The following AGBL4 variants were observed in gnomAD, a reference collection of about 807,000 sequenced individuals.
The protein encoded by AGBL4 is cytosolic carboxypeptidase 6.
In AGBL4, 58 loss-of-function variants were observed where a neutral mutation model predicts 66.4. That is an observed-to-expected ratio of 0.87 (90% CI 0.71 to 1.09). The LOEUF (loss-of-function observed/expected upper bound fraction) is 1.09, where lower values mean the gene tolerates loss of function less well. Among genes scored for constraint, AGBL4 ranks in the 50% least tolerant of loss-of-function variants. The pLI is 0.00. For missense variants in AGBL4, 579 were observed against 631.0 expected (o/e 0.92, Z 0.88); for synonymous variants, 234 against 222.9 (o/e 1.05, Z -0.44).
intron 6 of AGBL4, among the ~76,000 whole-genome samples, chr1:48,728,385 CT>C (rs1647531328): frequency 2.7e-5 from 4 of 147,522 alleles, no homozygotes; most frequent in African/African-American, 7.5e-5. Flanking sequence ...TTTTTTTTTT[CT>C]TTTAGTGTTA....
intron 6 of AGBL4, among the ~76,000 whole-genome samples, chr1:48,790,501 A>T (rs921673819): frequency 5.9e-5 from 9 of 152,226 alleles, no homozygotes; most frequent in Admixed American, 2.0e-4. Context: ...GAATGAGGAA[A>T]CCAAGACTAG....
intron 3 of AGBL4, among the ~76,000 whole-genome samples, chr1:49,492,769 C>G (rs558940749): frequency 1.9e-4 from 29 of 152,070 alleles, no homozygotes; most frequent in South Asian, 1.7e-3. Flanking sequence ...TGGAAAGAAA[C>G]AGCAGAGCCC....
chr1:49,443,235 T>C (rs1284720453), intron 3 of AGBL4, among the ~76,000 whole-genome samples: 4 of 152,154 alleles, frequency 2.6e-5, no homozygotes, highest in African/African-American at 7.2e-5. Flanking sequence ...CTCTTCAATC[T>C]GTTATTTCTT....
chr1:49,720,612 A>G (rs1648524942), intron 2 of AGBL4, among the ~76,000 whole-genome samples: 1 of 152,144 alleles, frequency 6.6e-6, no homozygotes, highest in African/African-American at 2.4e-5. Flanking sequence ...TTAGCTGTGT[A>G]GTCTTGAATT....
At chr1:49,504,517 C>T (rs563541513) in intron 3 of AGBL4, among the ~76,000 whole-genome samples, 5 of 152,004 alleles carry the variant, frequency 3.3e-5, no homozygotes, top group Non-Finnish European at 7.4e-5. Flanking sequence ...TATTTAGATG[C>T]TCCAATTTTG....
chr1:49,040,789 T>G (rs868727693), intron 5 of AGBL4, among the ~76,000 whole-genome samples: 2 of 152,048 alleles, frequency 1.3e-5, no homozygotes, highest in Non-Finnish European at 1.5e-5. Context: ...GAAGTGAGAA[T>G]TAACAAGGGA....
intron 4 of AGBL4, among the ~76,000 whole-genome samples, chr1:49,100,007 G>A (rs1178841002): frequency 6.6e-6 from 1 of 152,148 alleles, no homozygotes; most frequent in African/African-American, 2.4e-5. Flanking sequence ...GTCAAGGTCA[G>A]TACTAACAGT....
chr1:49,424,837 G>A (rs1368336528), intron 3 of AGBL4, among the ~76,000 whole-genome samples: 2 of 152,144 alleles, frequency 1.3e-5, no homozygotes, highest in East Asian at 1.9e-4. Context: ...AGAGTCAGGG[G>A]AATGAATGCT....
At chr1:48,897,663 C>T (rs1651653822) in intron 5 of AGBL4, among the ~76,000 whole-genome samples, 1 of 152,114 alleles carries the variant, frequency 6.6e-6, no homozygotes, top group African/African-American at 2.4e-5. Context: ...TTTTTTAATA[C>T]AAGCCATTTT....
intron 3 of AGBL4, among the ~76,000 whole-genome samples, chr1:49,384,752 G>C (rs545458092): frequency 6.6e-6 from 1 of 152,202 alleles, no homozygotes; most frequent in South Asian, 2.1e-4. Context: ...AAGAAAATAA[G>C]TGTTGACAAG....
At chr1:48,611,642 G>A (rs1203733953) in intron 9 of AGBL4, among the ~76,000 whole-genome samples, 1 of 152,082 alleles carries the variant, frequency 6.6e-6, no homozygotes, top group Non-Finnish European at 1.5e-5. Flanking sequence ...CAGAGTTTTG[G>A]CCATTATCCT....
chr1:49,026,366 A>G (rs1375880738), intron 5 of AGBL4, among the ~76,000 whole-genome samples: 1 of 152,198 alleles, frequency 6.6e-6, no homozygotes, highest in African/African-American at 2.4e-5. Context: ...ACAGTTACTA[A>G]GCTCAAGGAG....
intron 6 of AGBL4, among the ~76,000 whole-genome samples, chr1:48,670,843 C>T (rs746373341): frequency 9.8e-5 from 15 of 152,376 alleles, no homozygotes; most frequent in Middle Eastern, 3.4e-3. Context: ...GGGAAACAGA[C>T]TCAGAGGCTC....
At chr1:49,706,211 T>G (rs1341789544) in intron 2 of AGBL4, among the ~76,000 whole-genome samples, 1 of 152,198 alleles carries the variant, frequency 6.6e-6, no homozygotes, top group Non-Finnish European at 1.5e-5. Context: ...TCTTAATTAC[T>G]GCCTCAACTT....
chr1:48,679,341 G>A (rs931290742), intron 6 of AGBL4, among the ~76,000 whole-genome samples: 3 of 152,180 alleles, frequency 2.0e-5, no homozygotes, highest in African/African-American at 7.2e-5. Context: ...GACACCACTG[G>A]CTGTGCAGCA....
intron 1 of AGBL4, among the ~76,000 whole-genome samples, chr1:49,939,615 T>C (rs1420977273): frequency 1.3e-5 from 2 of 152,192 alleles, no homozygotes; most frequent in Non-Finnish European, 2.9e-5. Context: ...GGATTCCCTA[T>C]TTAATAAACG....
intron 3 of AGBL4, among the ~76,000 whole-genome samples, chr1:49,336,419 T>A (rs1645438517): frequency 6.6e-6 from 1 of 152,232 alleles, no homozygotes; most frequent in Non-Finnish European, 1.5e-5. Context: ...GATTCAAATG[T>A]TAATCTTATC....
At chr1:48,937,791 T>C (rs1019964933) in intron 5 of AGBL4, among the ~76,000 whole-genome samples, 1 of 152,196 alleles carries the variant, frequency 6.6e-6, no homozygotes, top group Admixed American at 6.5e-5. Flanking sequence ...ATTTTAACCA[T>C]GTCTCTGGGG....
chr1:49,977,777 C>T (rs907896987), intron 1 of AGBL4, among the ~76,000 whole-genome samples: 1 of 152,236 alleles, frequency 6.6e-6, no homozygotes, highest in Admixed American at 6.5e-5. Flanking sequence ...CCATCCACTG[C>T]ATAGATGGTT....
Sources: gnomAD v4.1 joint callset for allele counts (sites outside exome capture counted in the v4.1 genomes callset) on GRCh38, gnomAD v4.1.1 for gene constraint, MANE v1.5 for transcripts, NCBI Gene and HGNC (gene_info 2026-07-23, HGNC 2026-07-21) for gene names.